Variants in EDIL3 observed in about 807,000 individuals in gnomAD.
EDIL3 encodes the protein EGF like and discoidin domains 3.
Under a neutral mutation model 67.4 loss-of-function variants are expected in EDIL3, and 37 were observed. That is an observed-to-expected ratio of 0.55 (90% confidence interval 0.42 to 0.72). The LOEUF is 0.72. Ranked by LOEUF, EDIL3 falls within the 30% of genes least tolerant of loss-of-function variation. The pLI is 0.00. For synonymous variants in EDIL3, 195 were observed against 196.3 expected (o/e 0.99, Z 0.05); for missense variants, 527 against 586.3 (o/e 0.90, Z 1.04).
chr5:83,969,891 C>A (rs1201482255), intron 9 of EDIL3, among the ~76,000 whole-genome samples: 3 of 151,642 alleles, frequency 2.0e-5, no homozygotes, highest in East Asian at 3.9e-4. Flanking sequence ...TTTATTATTT[C>A]TTTTTGTTCA....
intron 5 of EDIL3, among the ~76,000 whole-genome samples, chr5:84,113,241 T>G (rs890586835): frequency 2.6e-5 from 4 of 152,214 alleles, no homozygotes; most frequent in African/African-American, 9.6e-5. Context: ...GATCTGTGTT[T>G]ATGCATCCTT....
intron 1 of EDIL3, among the ~76,000 whole-genome samples, chr5:84,305,213 A>G (rs1746241596): frequency 6.6e-6 from 1 of 152,230 alleles, no homozygotes; most frequent in East Asian, 1.9e-4. Context: ...GAACAGGTAC[A>G]TTTAAATGCT....
chr5:84,365,873 T>C (rs2112206298), intron 1 of EDIL3, among the ~76,000 whole-genome samples: 1 of 152,212 alleles, frequency 6.6e-6, no homozygotes. Flanking sequence ...ATTACATGGG[T>C]TATTTCTTTT....
chr5:84,123,817 A>G (rs1747818268), intron 5 of EDIL3, among the ~76,000 whole-genome samples: 1 of 151,900 alleles, frequency 6.6e-6, no homozygotes, highest in Non-Finnish European at 1.5e-5. Flanking sequence ...TATTCTTGGA[A>G]GCAGTGGAGG....
chr5:84,340,503 ACTCTCT>A lies in EDIL3; in HGVS notation c.67+43799_67+43804del, dbSNP rs1170972212. On this transcript the variant is annotated intron_variant, in intron 1 of 10. Transcript: ENST00000296591. ...CATGGAATTTCACAAAGGGAAGATT[ACTCTCT>A]CTCTCTCTCTCTCTCTCTCTCTCTC... is the stretch of plus-strand genomic sequence containing the variant. Among the ~76,000 whole-genome samples, 132 of 38,678 alleles carry A rather than the reference ACTCTCT, an allele frequency of 3.4e-3. 2 individuals are homozygous for A. The highest frequency in any genetic ancestry group is 5.4e-3 in the East Asian group (4 of 736). The allele number at this position is 38,678 out of a possible 152,430, so 25.4% of individuals were successfully genotyped here.
intron 1 of EDIL3, among the ~76,000 whole-genome samples, chr5:84,329,566 A>C (rs1350772236): frequency 6.7e-6 from 1 of 150,154 alleles, no homozygotes. Flanking sequence ...AGTCTGTTGA[A>C]TATACCACCT....
chr5:84,229,059 T>G (rs2112041885), intron 3 of EDIL3, among the ~76,000 whole-genome samples: 1 of 152,328 alleles, frequency 6.6e-6, no homozygotes, highest in South Asian at 2.1e-4. Flanking sequence ...GACTTGACTC[T>G]ATTTTTTTTT....
chr5:84,356,263 C>T (rs1233674351), intron 1 of EDIL3, among the ~76,000 whole-genome samples: 3 of 152,186 alleles, frequency 2.0e-5, no homozygotes, highest in Non-Finnish European at 4.4e-5. Context: ...AAACACATTG[C>T]TGTCTAATTT....
At chr5:84,185,622 ACAT>A (rs1424624887) in intron 3 of EDIL3, among the ~76,000 whole-genome samples, 1 of 152,148 alleles carries the variant, frequency 6.6e-6, no homozygotes. Context: ...TAGGTTTATG[ACAT>A]CATTTTCTTT....
chr5:84,160,664 G>C (rs971595920), intron 4 of EDIL3, among the ~76,000 whole-genome samples: 3 of 152,000 alleles, frequency 2.0e-5, no homozygotes, highest in Non-Finnish European at 4.4e-5. Flanking sequence ...GTTATTCCCA[G>C]TTTACCCAGC....
intron 9 of EDIL3, among the ~76,000 whole-genome samples, chr5:84,001,546 C>T (rs1745331595): frequency 6.6e-6 from 1 of 151,714 alleles, no homozygotes; most frequent in Non-Finnish European, 1.5e-5. Flanking sequence ...AGCCTTACTC[C>T]CCCACTGCCA....
At chr5:84,271,857 T>C (rs1745478382) in intron 1 of EDIL3, among the ~76,000 whole-genome samples, 1 of 152,186 alleles carries the variant, frequency 6.6e-6, no homozygotes, top group African/African-American at 2.4e-5. Context: ...TTGATAGCAG[T>C]CAAAGGAATT....
At chr5:84,236,437 C>T in intron 2 of EDIL3, among the ~76,000 whole-genome samples, 1 of 152,008 alleles carries the variant, frequency 6.6e-6, no homozygotes, top group South Asian at 2.1e-4. Flanking sequence ...CCTTAAATAT[C>T]CTTTGTTTAT....
chr5:84,320,861 A>T (rs977617059), intron 1 of EDIL3, among the ~76,000 whole-genome samples: 2 of 152,222 alleles, frequency 1.3e-5, no homozygotes, highest in African/African-American at 4.8e-5. Context: ...TGCAATTGCA[A>T]CATTTCTTGT....
chr5:84,322,509 G>A (rs560537485), intron 1 of EDIL3, among the ~76,000 whole-genome samples: 2 of 152,158 alleles, frequency 1.3e-5, no homozygotes, highest in South Asian at 4.1e-4. Flanking sequence ...AAAAGACAAT[G>A]TAAATAAGTG....
intron 2 of EDIL3, among the ~76,000 whole-genome samples, chr5:84,235,994 G>A (rs1317037958): frequency 2.6e-5 from 4 of 151,928 alleles, no homozygotes; most frequent in Admixed American, 2.6e-4. Context: ...CATTTAAACA[G>A]AACCACAAAA....
chr5:84,029,777 C>T (rs1287468878), intron 9 of EDIL3, among the ~76,000 whole-genome samples: 1 of 152,102 alleles, frequency 6.6e-6, no homozygotes, highest in Non-Finnish European at 1.5e-5. Flanking sequence ...ACAGGGCACT[C>T]TACTCAAAAT....
intron 3 of EDIL3, among the ~76,000 whole-genome samples, chr5:84,200,072 T>A (rs1454747258): frequency 6.6e-6 from 1 of 152,086 alleles, no homozygotes; most frequent in Admixed American, 6.6e-5. Flanking sequence ...CAATCAGAAC[T>A]ATGTTCTGGG....
At chr5:83,949,630 T>C (rs1173988641) in intron 10 of EDIL3, among the ~76,000 whole-genome samples, 1 of 151,878 alleles carries the variant, frequency 6.6e-6, no homozygotes, top group African/African-American at 2.4e-5. Context: ...CTGACCATCA[T>C]ATCTTTTTTC....
Sources: gnomAD v4.1 joint callset for allele counts (sites outside exome capture counted in the v4.1 genomes callset) on GRCh38, gnomAD v4.1.1 for gene constraint, MANE v1.5 for transcripts, NCBI Gene and HGNC (gene_info 2026-07-23, HGNC 2026-07-21) for gene names.